Variants in WIF1 observed in about 807,000 individuals in gnomAD.
WIF1 encodes the protein Wnt inhibitory factor 1.
Under a neutral mutation model 53.5 loss-of-function variants are expected in WIF1, and 35 were observed. That is an observed-to-expected ratio of 0.65 (90% confidence interval 0.50 to 0.87). The LOEUF (loss-of-function observed/expected upper bound fraction) is 0.87. Among genes scored for constraint, WIF1 ranks in the 40% least tolerant of loss-of-function variants. The pLI is 0.00. For synonymous variants in WIF1, 171 were observed against 170.4 expected (o/e 1.00, Z -0.03); for missense variants, 467 against 476.8 (o/e 0.98, Z 0.19).
chr12:65,080,604 C>T (rs571685920), intron 2 of WIF1, among the ~76,000 whole-genome samples: 9 of 152,220 alleles, frequency 5.9e-5, no homozygotes, highest in African/African-American at 1.2e-4. Context: ...TGTTCTAAAA[C>T]GTATTTTATT....
intron 2 of WIF1, among the ~76,000 whole-genome samples, chr12:65,119,997 G>A (rs1883576415): frequency 6.6e-6 from 1 of 152,192 alleles, no homozygotes; most frequent in Non-Finnish European, 1.5e-5. Flanking sequence ...CTTTTTAAAA[G>A]TGCACAATGT....
rs1882435752 is a variant in WIF1, at chr12:65,051,272, AT to A, written c.*76del. On this transcript the variant is annotated 3_prime_UTR_variant, in exon 10 of 10. Transcript: ENST00000286574. The stretch of plus-strand genomic sequence containing the variant: ...AGTATTCTTAAGTGTAATGAACATT[AT>A]TTGAACATTCAACACATGAAAGGTT... 7.2e-6 allele frequency: 11 copies of A among 1,517,668 alleles called. No individual in the cohort carries two copies. Among genetic ancestry groups the A allele is most frequent in the Non-Finnish European group, 8.0e-6 (9 of 1,128,558 alleles). 94.0% of individuals were successfully genotyped at this position (1,517,668 alleles called of 1,614,324 possible).
At chr12:65,055,097 C>G in intron 9 of WIF1, 21 bp downstream of exon 9, 1 of 1,607,492 alleles carries the variant, frequency 6.2e-7, no homozygotes, top group Non-Finnish European at 8.5e-7. Flanking sequence ...TTGTTTACAA[C>G]TTTTTATTTC....
intron 2 of WIF1, among the ~76,000 whole-genome samples, chr12:65,103,918 A>T (rs1052941905): frequency 2.8e-4 from 43 of 152,272 alleles, no homozygotes; most frequent in African/African-American, 9.9e-4. Flanking sequence ...AAATTTTAAA[A>T]GCCAGGCACA....
chr12:65,103,316 G>A (rs368646905), intron 2 of WIF1, among the ~76,000 whole-genome samples: 11 of 152,316 alleles, frequency 7.2e-5, no homozygotes, highest in African/African-American at 2.6e-4. Flanking sequence ...TAAAATAAAT[G>A]AAAGCATGTT....
intron 2 of WIF1, among the ~76,000 whole-genome samples, chr12:65,098,991 A>G (rs959948410): frequency 2.0e-5 from 3 of 152,152 alleles, no homozygotes; most frequent in Non-Finnish European, 4.4e-5. Flanking sequence ...GCCCTTAGCA[A>G]TTTCTTCTAA....
chr12:65,058,509 G>A (rs766203723), intron 7 of WIF1, among the ~76,000 whole-genome samples: 5 of 152,114 alleles, frequency 3.3e-5, no homozygotes, highest in Non-Finnish European at 5.9e-5. Context: ...GAAGGAGGAC[G>A]TTCTCTCCTG....
chr12:65,061,558 A>G (rs1314447012), intron 7 of WIF1, among the ~76,000 whole-genome samples: 1 of 152,176 alleles, frequency 6.6e-6, no homozygotes, highest in African/African-American at 2.4e-5. Flanking sequence ...AGTTAAAGAG[A>G]GAGGCTACAT....
chr12:65,058,508 C>T (rs961429099), intron 7 of WIF1, among the ~76,000 whole-genome samples: 2 of 152,058 alleles, frequency 1.3e-5, no homozygotes, highest in Non-Finnish European at 2.9e-5. Context: ...GGAAGGAGGA[C>T]GTTCTCTCCT....
intron 2 of WIF1, among the ~76,000 whole-genome samples, chr12:65,090,620 C>G (rs1883108068): frequency 6.6e-6 from 1 of 152,010 alleles, no homozygotes; most frequent in African/African-American, 2.4e-5. Flanking sequence ...GCTCAGTGAG[C>G]AGAGGTTAAA....
intron 7 of WIF1, among the ~76,000 whole-genome samples, chr12:65,059,788 A>G (rs962557165): frequency 6.6e-6 from 1 of 151,990 alleles, no homozygotes; most frequent in African/African-American, 2.4e-5. Flanking sequence ...AATAGCTAGG[A>G]CTACAGGTGT....
chr12:65,120,286 T>C (rs1883580298), intron 2 of WIF1, 131 bp downstream of exon 2: 1 of 965,354 alleles, frequency 1.0e-6, no homozygotes, highest in African/African-American at 1.6e-5. Context: ...TAATTCTTTA[T>C]TTGCTTTGGC....
rs187209198 is a variant in WIF1 at position 65,114,891 on chromosome 12, C to A, written c.288+5526G>T. ...GTGGAGATTCAGAAAAATGAAGGTA[C>A]CCCACTGACTTTTAGTAGTTATAAG... On this transcript the variant is annotated intron_variant, in intron 2 of 9. Coordinates refer to ENST00000286574, the MANE Select transcript of WIF1 (RefSeq NM_007191.5). Among the ~76,000 whole-genome samples, 21 of 152,172 alleles carry A rather than the reference C, an allele frequency of 1.4e-4. No homozygotes were observed. The East Asian group carries it at 4.1e-3, about 29-fold the overall frequency.
chr12:65,054,365 C>T (rs1040669176), intron 9 of WIF1, among the ~76,000 whole-genome samples: 4 of 152,140 alleles, frequency 2.6e-5, no homozygotes, highest in Admixed American at 6.5e-5. Context: ...ACTGCCCCTC[C>T]CACTCCACAA....
intron 2 of WIF1, among the ~76,000 whole-genome samples, chr12:65,103,482 A>G (rs543287740): frequency 1.3e-5 from 2 of 152,336 alleles, no homozygotes; most frequent in East Asian, 3.9e-4. Context: ...GACATGCAAT[A>G]AACTCTAAAC....
At chr12:65,101,814 G>A (rs931871038) in intron 2 of WIF1, among the ~76,000 whole-genome samples, 1 of 152,172 alleles carries the variant, frequency 6.6e-6, no homozygotes, top group Non-Finnish European at 1.5e-5. Flanking sequence ...GTCTCCTGAG[G>A]TCAGCTCAGT....
intron 2 of WIF1, among the ~76,000 whole-genome samples, chr12:65,079,854 T>C (rs962941998): frequency 6.6e-6 from 1 of 152,164 alleles, no homozygotes; most frequent in African/African-American, 2.4e-5. Flanking sequence ...CACCCAGAAC[T>C]ACATTAATTC....
chr12:65,096,821 C>A (rs1228214104), intron 2 of WIF1, among the ~76,000 whole-genome samples: 1 of 151,932 alleles, frequency 6.6e-6, no homozygotes, highest in Non-Finnish European at 1.5e-5. Flanking sequence ...ACAATGAGAA[C>A]ACATGGACAT....
rs112407687 is a variant in WIF1 at position 65,117,639 on chromosome 12, A to G, written c.288+2778T>C. 4.2e-3 allele frequency among the ~76,000 whole-genome samples: 646 copies of G among 152,324 alleles called. 7 individuals carry two copies. The highest frequency in any genetic ancestry group is 0.015 in the African/African-American group (607 of 41,560). On this transcript the variant is annotated intron_variant, in intron 2 of 9. Coordinates refer to ENST00000286574, the MANE Select transcript of WIF1 (RefSeq NM_007191.5). ...CATTGTAATATGTAATGAAATAAGC[A>G]TACAACTCACCATCATGTAGAATCA... is the stretch of plus-strand genomic sequence containing the variant.
Sources: allele counts gnomAD v4.1 joint callset (sites outside exome capture counted in the v4.1 genomes callset), GRCh38; gene constraint gnomAD v4.1.1; transcripts MANE v1.5; gene names NCBI Gene and HGNC (gene_info 2026-07-23, HGNC 2026-07-21).